Variants in PRELID2 observed in about 807,000 individuals in gnomAD.
The protein encoded by PRELID2 is PRELI domain-containing protein 2.
In PRELID2, 25 loss-of-function variants were observed where a neutral mutation model predicts 28.4. The observed-to-expected ratio is 0.88, with a 90% CI of 0.64 to 1.23. PRELID2 has a LOEUF of 1.23. PRELID2 is among the 50% of genes most tolerant of loss of function. The pLI, the probability that PRELID2 is intolerant of heterozygous loss-of-function variation, is 0.00. For synonymous variants in PRELID2, 76 were observed against 71.6 expected (o/e 1.06, Z -0.31); for missense variants, 201 against 214.4 (o/e 0.94, Z 0.39).
chr5:145,647,658 C>T (rs1204343518), intron 1 of PRELID2, among the ~76,000 whole-genome samples: 2 of 152,200 alleles, frequency 1.3e-5, no homozygotes, highest in Non-Finnish European at 2.9e-5. Flanking sequence ...AAACCCAAGG[C>T]CCTGGTGGCA....
chr5:145,819,274 A>G, intron 3 of PRELID2: 2 of 770,652 alleles, frequency 2.6e-6, no homozygotes, highest in South Asian at 1.5e-5. Context: ...ACCTGTTTAA[A>G]GGGCATATCC....
intron 1 of PRELID2, among the ~76,000 whole-genome samples, chr5:145,491,205 G>A (rs1752265627): frequency 6.6e-6 from 1 of 151,952 alleles, no homozygotes; most frequent in African/African-American, 2.4e-5. Context: ...TAGTTCTGGG[G>A]GCTGGAAAGT....
intron 3 of PRELID2, among the ~76,000 whole-genome samples, chr5:145,818,522 T>A (rs1024689990): frequency 6.6e-6 from 1 of 152,170 alleles, no homozygotes; most frequent in Non-Finnish European, 1.5e-5. Context: ...ATTGTACAAG[T>A]CAGAGGTGTC....
the PRELID2 span, among the ~76,000 whole-genome samples, chr5:145,271,359 G>A: frequency 6.6e-6 from 1 of 151,902 alleles, no homozygotes; most frequent in Admixed American, 6.6e-5. Context: ...TAAGTAGCTG[G>A]CACCACAGGC....
the PRELID2 span, among the ~76,000 whole-genome samples, chr5:145,368,614 A>G: frequency 6.6e-6 from 1 of 151,904 alleles, no homozygotes; most frequent in Non-Finnish European, 1.5e-5. Flanking sequence ...GATCCCTCTC[A>G]TATAAAAGTT....
In PRELID2 at chr5:145,756,394, G is replaced by A. The variant is rs1213530682; in HGVS notation, c.*4142C>T. The stretch of plus-strand genomic sequence containing the variant: ...ATGACTGCAGGAAGGAATTTCATAG[G>A]TAAACAACTAATTTATAGCTCTATA... On this transcript the variant is annotated 3_prime_UTR_variant, in exon 7 of 7. Coordinates refer to ENST00000683046, the MANE Select transcript of PRELID2 (RefSeq NM_205846.3). 6.6e-6 allele frequency among the ~76,000 whole-genome samples: 1 copy of A among 152,160 alleles called. No individual in the cohort carries two copies. Among genetic ancestry groups the A allele is most frequent in the Non-Finnish European group, 1.5e-5 (1 of 68,030 alleles).
chr5:145,424,323 C>T, the PRELID2 span, among the ~76,000 whole-genome samples: 97 of 152,316 alleles, frequency 6.4e-4, no homozygotes, highest in Non-Finnish European at 1.1e-3. Context: ...TGGCGGGCGC[C>T]CCTCCCCCAG....
At chr5:145,508,611 C>T (rs775587211) in intron 1 of PRELID2, among the ~76,000 whole-genome samples, 7 of 152,060 alleles carry the variant, frequency 4.6e-5, no homozygotes, top group Non-Finnish European at 8.8e-5. Context: ...TCTGTCCCTA[C>T]AGGATTTTGG....
intron 1 of PRELID2, among the ~76,000 whole-genome samples, chr5:145,742,858 AC>A (rs1756873886): frequency 6.6e-6 from 1 of 152,024 alleles, no homozygotes; most frequent in South Asian, 2.1e-4. Flanking sequence ...CTGACAAAGA[AC>A]AAAGACAGAA....
the PRELID2 span, among the ~76,000 whole-genome samples, chr5:145,369,208 A>G: frequency 6.6e-6 from 1 of 152,022 alleles, no homozygotes; most frequent in Non-Finnish European, 1.5e-5. Flanking sequence ...GGTTTGTTAC[A>G]TATGCATACA....
At chr5:145,565,714 A>G (rs1752959815) in intron 1 of PRELID2, among the ~76,000 whole-genome samples, 1 of 152,250 alleles carries the variant, frequency 6.6e-6, no homozygotes, top group Non-Finnish European at 1.5e-5. Flanking sequence ...GCCTGGATTC[A>G]GGATTTCAAA....
chr5:145,638,738 T>C (rs572125462), intron 1 of PRELID2, among the ~76,000 whole-genome samples: 2 of 152,374 alleles, frequency 1.3e-5, no homozygotes, highest in South Asian at 4.1e-4. Flanking sequence ...CTATATTTTA[T>C]GTCTTATCAT....
intron 1 of PRELID2, among the ~76,000 whole-genome samples, chr5:145,696,891 T>C (rs1755280420): frequency 6.6e-6 from 1 of 151,444 alleles, no homozygotes. Flanking sequence ...CAGTATGTAC[T>C]AAAAAATAGT....
rs370804188 is a variant in PRELID2, at chr5:145,797,840, A to C, written c.369-1293T>G. Among the ~76,000 whole-genome samples, 20 of 152,144 alleles carry C rather than the reference A, an allele frequency of 1.3e-4. No homozygotes were observed. The South Asian group carries it at 4.2e-3, about 32-fold the overall frequency. ...GCAAAGAAACAAGGAAACATGGCCC[A>C]ATCAAAGAAACAAAATAAATCTCTA... On this transcript the variant is annotated intron_variant, in intron 4 of 6. Transcript: ENST00000683046.
intron 1 of PRELID2, among the ~76,000 whole-genome samples, chr5:145,716,997 A>C (rs1755861642): frequency 6.6e-6 from 1 of 152,200 alleles, no homozygotes; most frequent in Non-Finnish European, 1.5e-5. Flanking sequence ...GCGTGAATAA[A>C]GTATGATACA....
intron 1 of PRELID2, among the ~76,000 whole-genome samples, chr5:145,500,866 T>C (rs1752353769): frequency 6.6e-6 from 1 of 152,156 alleles, no homozygotes. Context: ...CAATAAATCA[T>C]CTCTAACATT....
intron 4 of PRELID2, among the ~76,000 whole-genome samples, chr5:145,813,278 G>T (rs528554912): frequency 8.6e-4 from 131 of 152,312 alleles, no homozygotes; most frequent in African/African-American, 3.0e-3. Flanking sequence ...AGAAATTAAA[G>T]TAATAATGAA....
At chr5:145,788,324 T>A (rs2149805285) in intron 5 of PRELID2, among the ~76,000 whole-genome samples, 1 of 152,354 alleles carries the variant, frequency 6.6e-6, no homozygotes, top group African/African-American at 2.4e-5. Context: ...GATAAGCAAA[T>A]ACTTGTCTTC....
chr5:145,490,128 T>A (rs547951556), intron 1 of PRELID2, among the ~76,000 whole-genome samples: 1 of 152,324 alleles, frequency 6.6e-6, no homozygotes, highest in Middle Eastern at 3.4e-3. Flanking sequence ...ATAGAAGACA[T>A]AGAAATTTTG....
Sources: gnomAD v4.1 joint callset for allele counts (sites outside exome capture counted in the v4.1 genomes callset) on GRCh38, gnomAD v4.1.1 for gene constraint, MANE v1.5 for transcripts, NCBI Gene and HGNC (gene_info 2026-07-23, HGNC 2026-07-21) for gene names.